The following RTRAF variants were observed in gnomAD, a reference collection of about 807,000 sequenced individuals.
RTRAF encodes the protein RNA transcription, translation and transport factor.
Under a neutral mutation model 34.4 loss-of-function variants are expected in RTRAF, and 14 were observed. The ratio of observed to expected loss-of-function variants is 0.41; its 90% CI spans 0.27 to 0.64. The LOEUF (loss-of-function observed/expected upper bound fraction) is 0.64, where lower values mean the gene tolerates loss of function less well. Ranked by LOEUF, RTRAF falls within the 30% of genes least tolerant of loss-of-function variation. The pLI, the probability that RTRAF is intolerant of heterozygous loss-of-function variation, is 0.34. For synonymous variants in RTRAF, 96 were observed against 95.3 expected (o/e 1.01, Z -0.04); for missense variants, 291 against 288.4 (o/e 1.01, Z -0.06).
chr14:52,006,778 G>T lies in RTRAF; in HGVS notation c.*2262G>T. The stretch of plus-strand genomic sequence containing the variant: ...AATAGGATATTTTACTTCCATTACA[G>T]TCATAGATTAGCAACTGTAAAATTA... On this transcript the variant is annotated 3_prime_UTR_variant, in exon 8 of 8. Coordinates refer to ENST00000261700, the MANE Select transcript of RTRAF (RefSeq NM_016039.3). 1 of 1,111,022 alleles carries T rather than the reference G, an allele frequency of 9.0e-7. No individual in the cohort carries two copies. The highest frequency in any genetic ancestry group is 1.3e-6 in the Non-Finnish European group (1 of 770,046). 68.8% of individuals were successfully genotyped at this position (1,111,022 alleles called of 1,614,324 possible).
rs1890728795 is a variant in RTRAF, at chr14:52,005,408, T to C, written c.*892T>C. Reference sequence around the variant, plus strand: ...CTAATGGCCAATTCCTTTTTTACTTTCTTTGCCTTTGCAGTCACTGTTCTT... The same window carrying C: ...CTAATGGCCAATTCCTTTTTTACTTCCTTTGCCTTTGCAGTCACTGTTCTT... On this transcript the variant is annotated 3_prime_UTR_variant, in exon 8 of 8. Transcript: ENST00000261700. 1 of 1,386,288 alleles carries C rather than the reference T, an allele frequency of 7.2e-7. No homozygotes were observed. Among genetic ancestry groups the C allele is most frequent in the Non-Finnish European group, 9.6e-7 (1 of 1,036,492 alleles). The allele number at this position is 1,386,288 out of a possible 1,614,324, so 85.9% of individuals were successfully genotyped here.
intron 2 of RTRAF, 122 bp downstream of exon 2, chr14:51,991,563 G>A (rs574970809): frequency 2.6e-5 from 31 of 1,177,946 alleles, no homozygotes; most frequent in Non-Finnish European, 3.2e-5. Context: ...AGGAAAGCTG[G>A]ATTTCAGGGA....
intron 3 of RTRAF, among the ~76,000 whole-genome samples, chr14:51,997,172 C>G (rs1007618105): frequency 6.6e-6 from 1 of 151,972 alleles, no homozygotes. Context: ...TGGGGAGGTA[C>G]TTTGAGACTG....
chr14:51,989,602 G>A lies in RTRAF; in HGVS notation c.-38G>A, dbSNP rs950303957. On this transcript the variant is annotated 5_prime_UTR_variant, in exon 1 of 8. Transcript: ENST00000261700. ...CGCTCCACCTCGCTTCTTCTCTCCC[G>A]GCCGAGGCCCGGGGGACCAGAGCGA... 4.5e-6 allele frequency: 7 copies of A among 1,571,524 alleles called. No homozygotes were observed. Among genetic ancestry groups the A allele is most frequent in the Non-Finnish European group, 4.3e-6 (5 of 1,159,200 alleles).
At position 52,005,436 on chromosome 14, in the gene RTRAF, G is replaced by A. The variant is rs746692339; in HGVS notation, c.*920G>A. ...TTGCCTTTGCAGTCACTGTTCTTTA[G>A]GGTCCAGGTTCTGATTGTAAACTCC... On this transcript the variant is annotated 3_prime_UTR_variant, in exon 8 of 8. Transcript: ENST00000261700. 1.1e-5 allele frequency: 16 copies of A among 1,515,148 alleles called. No individual in the cohort carries two copies. Among genetic ancestry groups the A allele is most frequent in the African/African-American group, 1.4e-5 (1 of 71,762 alleles). The allele number at this position is 1,515,148 out of a possible 1,614,324, so 93.9% of individuals were successfully genotyped here.
chr14:51,991,514 C>T (rs1027681799), intron 2 of RTRAF, 73 bp downstream of exon 2: 1 of 1,485,210 alleles, frequency 6.7e-7, no homozygotes, highest in Non-Finnish European at 9.2e-7. Flanking sequence ...CTTAAAATTA[C>T]TTTCTTCTTT....
At chr14:51,994,105 T>G (rs941526209) in intron 3 of RTRAF, among the ~76,000 whole-genome samples, 1 of 152,206 alleles carries the variant, frequency 6.6e-6, no homozygotes, top group Non-Finnish European at 1.5e-5. Context: ...ATTAAATTGT[T>G]TTTAGTGTCC....
chr14:52,004,556 T>TGG lies in RTRAF; in HGVS notation c.*42_*43dup. On this transcript the variant is annotated 3_prime_UTR_variant, in exon 8 of 8. Coordinates refer to ENST00000261700, the MANE Select transcript of RTRAF (RefSeq NM_016039.3). ...CAGCTTCTCACCTACTTAGTACAGTTGGGAACCATACACTTCTGGCATGTT... is the reference window on the plus strand; with the variant it reads ...CAGCTTCTCACCTACTTAGTACAGTTGGGGGAACCATACACTTCTGGCATGTT... 6.3e-7 allele frequency: 1 copy of TGG among 1,575,962 alleles called. No individual in the cohort carries two copies. The highest frequency in any genetic ancestry group is 8.6e-7 in the Non-Finnish European group (1 of 1,160,578).
Position 52,004,257 on chromosome 14 carries a change from T to G in RTRAF, c.580+15T>G. On this transcript the variant is annotated intron_variant, in intron 7 of 7. Coordinates refer to ENST00000261700, the MANE Select transcript of RTRAF (RefSeq NM_016039.3). ...TGACACAGGAGGTAAGTGATTTTGT[T>G]TAAATTCAAACTATTTTTTTTACAG... 1 of 1,612,924 alleles carries G rather than the reference T, an allele frequency of 6.2e-7. No homozygotes were observed.
rs925862988 is a variant in RTRAF at position 52,005,365 on chromosome 14, T to C, written c.*849T>C. 11 of 907,010 alleles carry C rather than the reference T, an allele frequency of 1.2e-5. No homozygotes were observed. Among genetic ancestry groups the C allele is most frequent in the Non-Finnish European group, 1.7e-5 (11 of 634,812 alleles). 56.2% of individuals were successfully genotyped at this position (907,010 alleles called of 1,614,324 possible). On this transcript the variant is annotated 3_prime_UTR_variant, in exon 8 of 8. Transcript: ENST00000261700. ...CTTTTTGCACTACAAAATGTTCATC[T>C]TGGATGCTCAGGAACGTCTAATGGC...
At chr14:51,992,204 G>C (rs751958329) in intron 2 of RTRAF, among the ~76,000 whole-genome samples, 12 of 152,116 alleles carry the variant, frequency 7.9e-5, no homozygotes, top group Non-Finnish European at 1.5e-4. Context: ...AGAATTCTCA[G>C]ATTAGAATAA....
chr14:51,992,300 T>G (rs534213035), intron 2 of RTRAF, among the ~76,000 whole-genome samples: 1 of 152,320 alleles, frequency 6.6e-6, no homozygotes, highest in South Asian at 2.1e-4. Context: ...AAAGGCTAAG[T>G]TTTTCATTTG....
chr14:51,995,661 C>T (rs999398350), intron 3 of RTRAF, among the ~76,000 whole-genome samples: 1 of 151,970 alleles, frequency 6.6e-6, no homozygotes, highest in Admixed American at 6.6e-5. Context: ...TAATGTGTGG[C>T]GAATGCAGTA....
In RTRAF at chr14:52,005,839, C is replaced by T. The variant is rs920190607; in HGVS notation, c.*1323C>T. 88 of 1,607,230 alleles carry T rather than the reference C, an allele frequency of 5.5e-5. No homozygotes were observed. Among genetic ancestry groups the T allele is most frequent in the Non-Finnish European group, 7.3e-5 (86 of 1,173,894 alleles). ...TGGCCACTATGTTTATTTACTGATA[C>T]AACACCATCCCTGGTAACAGAAAGG... On this transcript the variant is annotated 3_prime_UTR_variant, in exon 8 of 8. Transcript: ENST00000261700.
Position 52,007,964 on chromosome 14 carries a change from G to C in RTRAF, c.*3448G>C, listed in dbSNP as rs1890855804. On this transcript the variant is annotated 3_prime_UTR_variant, in exon 8 of 8. Coordinates refer to ENST00000261700, the MANE Select transcript of RTRAF (RefSeq NM_016039.3). Reference sequence around the variant, plus strand: ...CTCTATTCCAGTCTGTCCAGTACAAGTTGCTGTAAGTTAAAAATCAAGATT... The same window carrying C: ...CTCTATTCCAGTCTGTCCAGTACAACTTGCTGTAAGTTAAAAATCAAGATT... The C allele has an allele frequency of 1.3e-6, 2 of 1,593,604 alleles. No individual in the cohort carries two copies. Among genetic ancestry groups the C allele is most frequent in the East Asian group, 4.5e-5 (2 of 44,696 alleles).
At chr14:51,994,900 C>T (rs891260622) in intron 3 of RTRAF, among the ~76,000 whole-genome samples, 2 of 151,996 alleles carry the variant, frequency 1.3e-5, no homozygotes, top group Non-Finnish European at 2.9e-5. Context: ...TTTGTTCACA[C>T]TTTTCCCTTG....
intron 7 of RTRAF, 27 bp downstream of exon 7, chr14:52,004,269 T>A: frequency 1.2e-6 from 2 of 1,608,656 alleles, no homozygotes; most frequent in Non-Finnish European, 1.7e-6. Context: ...AAATTCAAAC[T>A]ATTTTTTTTA....
chr14:52,006,913 G>T lies in RTRAF; in HGVS notation c.*2397G>T. The T allele has an allele frequency of 3.5e-6, 1 of 289,800 alleles. No individual in the cohort carries two copies. Among genetic ancestry groups the T allele is most frequent in the Non-Finnish European group, 6.6e-6 (1 of 151,762 alleles). The allele number at this position is 289,800 out of a possible 1,614,324, so 18.0% of individuals were successfully genotyped here. A position where few individuals can be genotyped will look rare whatever the true frequency, so the allele number is the denominator to read the frequency against. ...TCTGGTAAGTTTCTGCCAAAGTAGGGCATTAAACATAATTATTTTTATAAT... is the reference window on the plus strand; with the variant it reads ...TCTGGTAAGTTTCTGCCAAAGTAGGTCATTAAACATAATTATTTTTATAAT... On this transcript the variant is annotated 3_prime_UTR_variant, in exon 8 of 8. Coordinates refer to ENST00000261700, the MANE Select transcript of RTRAF (RefSeq NM_016039.3).
At position 52,009,846 on chromosome 14, in the gene RTRAF, GC is replaced by G. The variant is rs1873129398; in HGVS notation, c.*5331del. ...GACTAAAAATACAAAAATTAGCTGG[GC>G]ATGGTGGCACATGCCTGTAGTCCCA... On this transcript the variant is annotated 3_prime_UTR_variant, in exon 8 of 8. Coordinates refer to ENST00000261700, the MANE Select transcript of RTRAF (RefSeq NM_016039.3). 6.6e-6 allele frequency: 1 copy of G among 152,362 alleles called. No homozygotes were observed. Among genetic ancestry groups the G allele is most frequent in the African/African-American group, 2.4e-5 (1 of 41,450 alleles). The allele number at this position is 152,362 out of a possible 1,614,324, so 9.4% of individuals were successfully genotyped here.
Sources: gnomAD v4.1 joint callset for allele counts (sites outside exome capture counted in the v4.1 genomes callset) on GRCh38, gnomAD v4.1.1 for gene constraint, MANE v1.5 for transcripts, NCBI Gene and HGNC (gene_info 2026-07-23, HGNC 2026-07-21) for gene names.